TMC1: variants seen among roughly 807,000 people sequenced by gnomAD.
TMC1 encodes the protein transmembrane channel-like protein 1.
A neutral mutation model predicts 105.8 loss-of-function variants in TMC1; 84 were observed. That is an observed-to-expected ratio of 0.79 (90% CI 0.67 to 0.95). The LOEUF is 0.95. Among genes scored for constraint, TMC1 ranks in the 40% least tolerant of loss-of-function variants. The pLI is 0.00. For synonymous variants in TMC1, 315 were observed against 311.5 expected (o/e 1.01, Z -0.12); for missense variants, 817 against 914.1 (o/e 0.89, Z 1.37).
At chr9:72,820,122 G>A (rs1447138931) in intron 19 of TMC1, among the ~76,000 whole-genome samples, 6 of 152,112 alleles carry the variant, frequency 3.9e-5, no homozygotes, top group Non-Finnish European at 7.4e-5. Flanking sequence ...TTAAATAAAT[G>A]TGTGGAATTT....
chr9:72,654,438 A>G (rs751270643), intron 5 of TMC1, among the ~76,000 whole-genome samples: 1 of 151,996 alleles, frequency 6.6e-6, no homozygotes, highest in Non-Finnish European at 1.5e-5. Context: ...TTCTTCCTTT[A>G]GAGTAAGTAT....
chr9:72,567,995 T>A (rs962052208), intron 1 of TMC1, among the ~76,000 whole-genome samples: 1 of 151,888 alleles, frequency 6.6e-6, no homozygotes, highest in African/African-American at 2.4e-5. Context: ...GGCCTGTGAG[T>A]ACTGAATTTG....
At chr9:72,596,446 C>T (rs1306144267) in intron 2 of TMC1, among the ~76,000 whole-genome samples, 1 of 151,472 alleles carries the variant, frequency 6.6e-6, no homozygotes, top group Admixed American at 6.6e-5. Flanking sequence ...ATATGCAGCC[C>T]CACCATGTGC....
At chr9:72,637,202 G>C (rs910260759) in intron 4 of TMC1, among the ~76,000 whole-genome samples, 4 of 151,586 alleles carry the variant, frequency 2.6e-5, no homozygotes, top group Non-Finnish European at 5.9e-5. Context: ...AAATTTCATA[G>C]GGCCAGATTA....
intron 5 of TMC1, among the ~76,000 whole-genome samples, chr9:72,674,883 T>C (rs1826177840): frequency 6.6e-6 from 1 of 152,154 alleles, no homozygotes; most frequent in African/African-American, 2.4e-5. Context: ...GAATAAAAAA[T>C]AAGCTAATCT....
chr9:72,678,412 C>T (rs760040179), intron 5 of TMC1, among the ~76,000 whole-genome samples: 4 of 152,046 alleles, frequency 2.6e-5, no homozygotes, highest in Non-Finnish European at 5.9e-5. Flanking sequence ...ATATGAGTTT[C>T]AGAATTCAGA....
intron 8 of TMC1, among the ~76,000 whole-genome samples, chr9:72,724,172 G>A (rs1827077915): frequency 6.6e-6 from 1 of 152,170 alleles, no homozygotes; most frequent in Admixed American, 6.5e-5. Flanking sequence ...TCCTGCTGCT[G>A]TAATAGAATA....
At chr9:72,813,007 T>C (rs1828729575) in intron 18 of TMC1, among the ~76,000 whole-genome samples, 1 of 152,154 alleles carries the variant, frequency 6.6e-6, no homozygotes, top group African/African-American at 2.4e-5. Context: ...ATCCCTCAAC[T>C]ATGATGGACT....
chr9:72,522,718 A>G (rs1823334411), intron 1 of TMC1, among the ~76,000 whole-genome samples: 1 of 152,216 alleles, frequency 6.6e-6, no homozygotes. Context: ...GAGTTTTTCA[A>G]TTAAAATTTC....
At chr9:72,726,392 T>C (rs1827126558) in intron 8 of TMC1, among the ~76,000 whole-genome samples, 1 of 152,208 alleles carries the variant, frequency 6.6e-6, no homozygotes, top group African/African-American at 2.4e-5. Flanking sequence ...TACACTCTTA[T>C]TGTGTTTCTT....
At chr9:72,708,360 G>A (rs894445537) in intron 8 of TMC1, among the ~76,000 whole-genome samples, 2 of 152,096 alleles carry the variant, frequency 1.3e-5, no homozygotes, top group Non-Finnish European at 2.9e-5. Flanking sequence ...AGGTAGTATG[G>A]TCATTTTCAC....
chr9:72,539,135 C>T (rs1214398960), intron 1 of TMC1, among the ~76,000 whole-genome samples: 1 of 151,746 alleles, frequency 6.6e-6, no homozygotes, highest in Admixed American at 6.6e-5. Context: ...GAGAGGCAGG[C>T]ACTTTGGAAG....
intron 1 of TMC1, among the ~76,000 whole-genome samples, chr9:72,560,652 C>T (rs531770371): frequency 6.6e-6 from 1 of 152,198 alleles, no homozygotes; most frequent in Non-Finnish European, 1.5e-5. Flanking sequence ...GTGCATGCCA[C>T]CATGCCTGGC....
chr9:72,642,470 C>T (rs1029422407), intron 4 of TMC1, among the ~76,000 whole-genome samples: 5 of 152,142 alleles, frequency 3.3e-5, no homozygotes, highest in African/African-American at 1.2e-4. Context: ...AGGCAATATG[C>T]CTTAAATAGT....
chr9:72,525,210 A>T (rs2132053022), intron 1 of TMC1, among the ~76,000 whole-genome samples: 1 of 152,326 alleles, frequency 6.6e-6, no homozygotes, highest in African/African-American at 2.4e-5. Flanking sequence ...CATTTTGCAT[A>T]GGATTTTGTT....
chr9:72,535,770 G>A (rs376540627), intron 1 of TMC1, among the ~76,000 whole-genome samples: 14 of 152,310 alleles, frequency 9.2e-5, no homozygotes, highest in African/African-American at 1.9e-4. Flanking sequence ...AAGAGTAAGC[G>A]GAGCCTTCAT....
At chr9:72,735,270 A>G (rs1827278763) in intron 8 of TMC1, among the ~76,000 whole-genome samples, 1 of 152,188 alleles carries the variant, frequency 6.6e-6, no homozygotes, top group Non-Finnish European at 1.5e-5. Flanking sequence ...GGTGGTACAC[A>G]TTTGTTTCAG....
At chr9:72,826,253 G>A (rs1433448989) in intron 20 of TMC1, among the ~76,000 whole-genome samples, 1 of 152,166 alleles carries the variant, frequency 6.6e-6, no homozygotes. Context: ...GTTTATAGGA[G>A]CTGATACTTG....
At chr9:72,819,859 A>G (rs1828841250) in intron 19 of TMC1, among the ~76,000 whole-genome samples, 1 of 152,190 alleles carries the variant, frequency 6.6e-6, no homozygotes, top group Admixed American at 6.5e-5. Context: ...ATAAGTGCAC[A>G]TATATCTTCT....
Sources: allele counts gnomAD v4.1 joint callset (sites outside exome capture counted in the v4.1 genomes callset), GRCh38; gene constraint gnomAD v4.1.1; transcripts MANE v1.5; gene names NCBI Gene and HGNC (gene_info 2026-07-23, HGNC 2026-07-21).